The following ZSCAN2 variants were observed in gnomAD, a reference collection of about 807,000 sequenced individuals.
ZSCAN2 encodes zinc finger and SCAN domain containing 2.
ZSCAN2 carries 26 observed loss-of-function variants against 47.8 expected under a neutral mutation model. That is an observed-to-expected ratio of 0.54 (90% confidence interval 0.40 to 0.75). The LOEUF (loss-of-function observed/expected upper bound fraction) is 0.75, where lower values mean the gene tolerates loss of function less well. Ranked by LOEUF, ZSCAN2 falls within the 30% of genes least tolerant of loss-of-function variation. The pLI, the probability that ZSCAN2 is intolerant of heterozygous loss-of-function variation, is 0.00. For missense variants in ZSCAN2, 732 were observed against 785.4 expected (o/e 0.93, Z 0.81); for synonymous variants, 305 against 288.7 (o/e 1.06, Z -0.57).
chr15:84,614,880 C>T (rs1331824139), intron 2 of ZSCAN2: 1 of 152,164 alleles, frequency 6.6e-6, no homozygotes, highest in East Asian at 1.9e-4. Context: ...GTTAGCCACC[C>T]TGGGTTAGTT....
At position 84,620,996 on chromosome 15, in the gene ZSCAN2, A is replaced by G. The variant is rs766742859; in HGVS notation, c.801A>G (p.Arg267=). Residue 267 remains arginine, a synonymous_variant, in exon 3 of 3, where the codon AGA becomes AGG. Transcript: ENST00000546148. ...TTAGTGATGGTTCAAATTTTAGTAG[A>G]CACCAAACCACTCACACCGGGGAGA... ...KSFSDGSNFS[R]HQTTHTGEKP... 6 of 1,613,916 alleles carry G rather than the reference A, an allele frequency of 3.7e-6. No homozygotes were observed. Among genetic ancestry groups the G allele is most frequent in the Non-Finnish European group, 5.1e-6 (6 of 1,180,002 alleles).
At chr15:84,613,531 C>A (rs932663013) in intron 2 of ZSCAN2, among the ~76,000 whole-genome samples, 3 of 152,116 alleles carry the variant, frequency 2.0e-5, no homozygotes, top group Admixed American at 6.6e-5. Context: ...TAGTCTAGAA[C>A]TCCTGACCTC....
intron 2 of ZSCAN2, chr15:84,611,757 C>T (rs1895556120): frequency 6.6e-6 from 1 of 152,104 alleles, no homozygotes; most frequent in African/African-American, 2.4e-5. Context: ...CAAAACAAAA[C>T]AGAAAAGCAA....
intron 2 of ZSCAN2, among the ~76,000 whole-genome samples, chr15:84,612,502 A>G (rs549668173): frequency 4.7e-4 from 72 of 152,310 alleles, no homozygotes; most frequent in Admixed American, 1.9e-3. Flanking sequence ...TGGGAGGCCG[A>G]GGCAGGTGGA....
At position 84,622,032 on chromosome 15, in the gene ZSCAN2, C is replaced by A; in HGVS notation, c.1837C>A (p.Leu613Ile). The A allele has an allele frequency of 1.2e-6, 2 of 1,600,244 alleles. No homozygotes were observed. Among genetic ancestry groups the A allele is most frequent in the Non-Finnish European group, 1.7e-6 (2 of 1,171,872 alleles). Residue 613 changes from leucine to isoleucine, a missense_variant, in exon 3 of 3, where the codon CTT becomes ATT. Leu to Ile is a conservative substitution (Grantham distance 5, BLOSUM62 2). Coordinates refer to ENST00000546148, the MANE Select transcript of ZSCAN2 (RefSeq NM_181877.4). ...TCAGAGAACTCACATGAAAGAGAAA[C>A]TTTATTGAAGTGGCAAAGAGTGAAA... ...THQRTHMKEKLY is the reference protein window; with the variant it reads ...THQRTHMKEKIY
intron 2 of ZSCAN2, among the ~76,000 whole-genome samples, chr15:84,610,484 CTTTCTTT>C (rs1895512611): frequency 8.1e-6 from 1 of 123,932 alleles, no homozygotes; most frequent in African/African-American, 2.9e-5. Context: ...TTCTTTCTTT[CTTTCTTT>C]TTTTTTTTTT....
At chr15:84,603,002 G>A (rs750754271) in intron 1 of ZSCAN2, among the ~76,000 whole-genome samples, 2 of 152,150 alleles carry the variant, frequency 1.3e-5, no homozygotes, top group Non-Finnish European at 2.9e-5. Flanking sequence ...AAAGTACTGA[G>A]GGGCCGAGGC....
At chr15:84,611,569 G>A (rs2141777232) in intron 2 of ZSCAN2, 1 of 152,300 alleles carries the variant, frequency 6.6e-6, no homozygotes, top group East Asian at 1.9e-4. Flanking sequence ...CCAACGTGGT[G>A]AAACCTCATC....
intron 2 of ZSCAN2, among the ~76,000 whole-genome samples, chr15:84,611,075 C>T (rs1462870260): frequency 6.6e-6 from 1 of 151,438 alleles, no homozygotes; most frequent in African/African-American, 2.4e-5. Flanking sequence ...GGGTGGATCA[C>T]GAGGTCAGGA....
At chr15:84,602,882 C>CTA (rs1895255041) in intron 1 of ZSCAN2, among the ~76,000 whole-genome samples, 1 of 152,136 alleles carries the variant, frequency 6.6e-6, no homozygotes, top group African/African-American at 2.4e-5. Context: ...CACGCCAAGC[C>CTA]TATAGCACAG....
At chr15:84,602,587 CTTTT>C (rs981357914) in intron 1 of ZSCAN2, among the ~76,000 whole-genome samples, 1 of 115,736 alleles carries the variant, frequency 8.6e-6, no homozygotes. Flanking sequence ...CTTTTCTTTT[CTTTT>C]TTTTTTTTTT....
chr15:84,602,809 G>A (rs1035339457), intron 1 of ZSCAN2, among the ~76,000 whole-genome samples: 3 of 151,814 alleles, frequency 2.0e-5, no homozygotes, highest in South Asian at 2.1e-4. Flanking sequence ...GGCTGGTCTC[G>A]AACTCCTGAC....
intron 2 of ZSCAN2, among the ~76,000 whole-genome samples, chr15:84,608,875 T>C (rs750428871): frequency 3.9e-5 from 6 of 152,326 alleles, no homozygotes; most frequent in Non-Finnish European, 7.4e-5. Flanking sequence ...AGACTAGGAC[T>C]GTCAGTCTCA....
rs535820435 is a variant in ZSCAN2, at chr15:84,604,293, G to A, written c.366G>A (p.Ala122=). The A allele has an allele frequency of 1.2e-5, 20 of 1,613,428 alleles. No homozygotes were observed. Among genetic ancestry groups the A allele is most frequent in the Non-Finnish European group, 1.5e-5 (18 of 1,179,702 alleles). The change falls in exon 2 of 3, where the codon GCG becomes GCA. Residue 122 remains alanine, a synonymous_variant. Coordinates refer to ENST00000546148, the MANE Select transcript of ZSCAN2 (RefSeq NM_181877.4). ...EHRPESSEEA[A]ALVEDLTQTL... is the part of the protein sequence containing the mutation. ...GGCCTGAAAGCAGTGAGGAGGCAGC[G>A]GCCCTGGTGGAAGACTTGACCCAGA... is the stretch of plus-strand genomic sequence containing the variant.
chr15:84,612,396 C>T (rs368687934), intron 2 of ZSCAN2, among the ~76,000 whole-genome samples: 2 of 152,116 alleles, frequency 1.3e-5, no homozygotes, highest in East Asian at 3.9e-4. Context: ...AGAGGGACCT[C>T]CTTAGTGAGG....
At chr15:84,605,459 A>C (rs897271849) in intron 2 of ZSCAN2, among the ~76,000 whole-genome samples, 1 of 152,202 alleles carries the variant, frequency 6.6e-6, no homozygotes, top group South Asian at 2.1e-4. Context: ...AGGGTGTGGC[A>C]GCTGAGAGGA....
intron 2 of ZSCAN2, among the ~76,000 whole-genome samples, chr15:84,618,322 G>A (rs1183803963): frequency 6.6e-6 from 1 of 152,142 alleles, no homozygotes; most frequent in Non-Finnish European, 1.5e-5. Flanking sequence ...GGAGGCTGAG[G>A]CAGGAGAATC....
intron 2 of ZSCAN2, among the ~76,000 whole-genome samples, chr15:84,607,629 C>T (rs543406326): frequency 1.3e-5 from 2 of 152,308 alleles, no homozygotes; most frequent in East Asian, 1.9e-4. Context: ...CTGCCTCAGC[C>T]TCCCAAGTAG....
At chr15:84,606,028 A>G (rs991783253) in intron 2 of ZSCAN2, among the ~76,000 whole-genome samples, 1 of 152,236 alleles carries the variant, frequency 6.6e-6, no homozygotes, top group Non-Finnish European at 1.5e-5. Flanking sequence ...AAGCGTTGTC[A>G]TATGTATGAT....
Sources: gnomAD v4.1 joint callset for allele counts (sites outside exome capture counted in the v4.1 genomes callset) on GRCh38, gnomAD v4.1.1 for gene constraint, MANE v1.5 for transcripts, NCBI Gene and HGNC (gene_info 2026-07-23, HGNC 2026-07-21) for gene names.